Variants in RP1 observed in about 807,000 individuals in gnomAD.
RP1 encodes the protein oxygen-regulated protein 1.
RP1 carries 16 observed loss-of-function variants against 14.8 expected under a neutral mutation model. The observed-to-expected ratio is 1.08, with a 90% CI of 0.73 to 1.65. The LOEUF (loss-of-function observed/expected upper bound fraction) is 1.65, where lower values mean the gene tolerates loss of function less well. Among genes scored for constraint, RP1 ranks in the 40% most tolerant of loss-of-function variants. The pLI is 0.00. For synonymous variants in RP1, 876 were observed against 883.6 expected, an observed-to-expected ratio of 0.99 and a Z score of 0.15; for missense variants, 2,631 against 2,535.0, an observed-to-expected ratio of 1.04 and a Z score of -0.81.
intron 1 of RP1, among the ~76,000 whole-genome samples, chr8:54,580,965 A>G (rs985814588): frequency 1.3e-5 from 2 of 152,086 alleles, no homozygotes; most frequent in Middle Eastern, 3.2e-3. Context: ...TATTGGAAAC[A>G]ATGAAATCAG....
chr8:54,781,871 A>C (rs1333250993), intron 23 of RP1, among the ~76,000 whole-genome samples: 1 of 152,190 alleles, frequency 6.6e-6, no homozygotes, highest in African/African-American at 2.4e-5. Flanking sequence ...AATTCCAAAA[A>C]GGAGGAACAC....
At chr8:54,697,100 G>C (rs1020567191) in intron 12 of RP1, 1 of 1,558,960 alleles carries the variant, frequency 6.4e-7, no homozygotes, top group African/African-American at 1.3e-5. Context: ...TGGCTATCGG[G>C]GTGAACGCAT....
chr8:54,631,845 ATTT>A (rs36032942), downstream of RP1, among the ~76,000 whole-genome samples: 3 of 146,064 alleles, frequency 2.1e-5, no homozygotes, highest in Admixed American at 6.8e-5. Context: ...AAGGGATAAG[ATTT>A]TTTTTTTTTT....
In RP1 at chr8:54,737,977, T is replaced by C. The variant is rs373764163; in HGVS notation, c.2722-966T>C. Among the ~76,000 whole-genome samples the C allele has an allele frequency of 5.3e-4, 81 of 152,262 alleles. 1 individual carries two copies. Among genetic ancestry groups the C allele is most frequent in the African/African-American group, 1.9e-3 (79 of 41,544 alleles). ...TTGAAGCCATTAAGCAATAAGGTGG[T>C]ATATTACATTTAAAAAAAATCCTCA... On this transcript the variant is annotated intron_variant, in intron 18 of 22. Transcript: ENST00000636932.
chr8:54,752,348 T>C (rs774545028), intron 19 of RP1, among the ~76,000 whole-genome samples: 8 of 152,160 alleles, frequency 5.3e-5, no homozygotes, highest in Non-Finnish European at 8.8e-5. Flanking sequence ...ATAGCAGTCG[T>C]AGTTATGGTG....
chr8:54,753,760 C>T (rs763894572), intron 19 of RP1, among the ~76,000 whole-genome samples: 1 of 152,016 alleles, frequency 6.6e-6, no homozygotes, highest in Admixed American at 6.6e-5. Context: ...GTGCAGTGTG[C>T]AAAATGATCA....
chr8:54,807,382 T>C (rs1810878130), intron 24 of RP1, among the ~76,000 whole-genome samples: 1 of 152,180 alleles, frequency 6.6e-6, no homozygotes, highest in Non-Finnish European at 1.5e-5. Flanking sequence ...ATGGTTAGAG[T>C]CTTAACTTGC....
intron 23 of RP1, among the ~76,000 whole-genome samples, chr8:54,776,694 G>T (rs757117861): frequency 6.6e-6 from 1 of 152,166 alleles, no homozygotes; most frequent in Non-Finnish European, 1.5e-5. Context: ...ACACTGGAAG[G>T]GAATTTGGGA....
chr8:54,864,914 T>G (rs1196950053), intron 27 of RP1, among the ~76,000 whole-genome samples: 1 of 152,220 alleles, frequency 6.6e-6, no homozygotes, highest in African/African-American at 2.4e-5. Context: ...TTGATTTAAT[T>G]ACATTGAGGT....
intron 23 of RP1, chr8:54,783,538 C>T: frequency 5.7e-6 from 7 of 1,227,152 alleles, no homozygotes; most frequent in Non-Finnish European, 6.1e-6. Flanking sequence ...TCTCCTTTTT[C>T]CTTTGCAGAT....
At chr8:54,759,189 C>T (rs191928865) in intron 22 of RP1, 26 of 1,112,852 alleles carry the variant, frequency 2.3e-5, no homozygotes, top group Admixed American at 8.5e-5. Context: ...TTTTAGGTCA[C>T]GGATTTGTTT....
At chr8:54,589,595 TCCTAATCATGTGA>T (rs1462934957) in intron 1 of RP1, among the ~76,000 whole-genome samples, 1 of 152,142 alleles carries the variant, frequency 6.6e-6, no homozygotes, top group African/African-American at 2.4e-5. Context: ...CTGATCTTAT[TCCTAATCATGTGA>T]CTGTTAAGTC....
At chr8:54,660,799 C>A (rs971830272) in intron 6 of RP1, among the ~76,000 whole-genome samples, 1 of 151,310 alleles carries the variant, frequency 6.6e-6, no homozygotes, top group Non-Finnish European at 1.5e-5. Context: ...CCCAGTAGAA[C>A]CCTGGGTAAA....
At chr8:54,755,019 A>G in intron 20 of RP1, 1 of 1,336,898 alleles carries the variant, frequency 7.5e-7, no homozygotes, top group Non-Finnish European at 9.6e-7. Flanking sequence ...CTATTTAGTT[A>G]CAGAATATTT....
At chr8:54,868,020 A>G (rs1420622598) in intron 28 of RP1, among the ~76,000 whole-genome samples, 1 of 152,174 alleles carries the variant, frequency 6.6e-6, no homozygotes, top group Non-Finnish European at 1.5e-5. Flanking sequence ...TTTACAGTGT[A>G]GTTTATTGCT....
chr8:54,628,475 G>T lies in RP1; in HGVS notation c.4593G>T (p.Arg1531Ser). The T allele has an allele frequency of 3.7e-6, 6 of 1,613,606 alleles. No homozygotes were observed. The highest frequency in any genetic ancestry group is 5.1e-6 in the Non-Finnish European group (6 of 1,179,824). Reference sequence around the variant, plus strand: ...TAATTTATGAAATAATCAGTAAGAGGCTGGCAACACCACCATCTTTAGATT... The same window carrying T: ...TAATTTATGAAATAATCAGTAAGAGTCTGGCAACACCACCATCTTTAGATT... Reference protein sequence around the residue: ...NGIIYEIISKRLATPPSLDFC... With the variant: ...NGIIYEIISKSLATPPSLDFC... The change falls in exon 4 of 4, where the codon AGG becomes AGT. Residue 1531 changes from arginine to serine, a missense_variant. Arg to Ser is a moderately radical substitution (Grantham distance 110, BLOSUM62 -1). Coordinates refer to ENST00000220676, the MANE Select transcript of RP1 (RefSeq NM_006269.2).
chr8:54,774,302 G>A (rs966183980), downstream of RP1, among the ~76,000 whole-genome samples: 2 of 152,104 alleles, frequency 1.3e-5, no homozygotes, highest in African/African-American at 4.8e-5. Flanking sequence ...TCTCAAATGA[G>A]TGTGCATAAT....
At chr8:54,559,709 C>T (rs1312979097) in intron 1 of RP1, among the ~76,000 whole-genome samples, 36 of 152,142 alleles carry the variant, frequency 2.4e-4, no homozygotes, top group Admixed American at 2.4e-3. Flanking sequence ...ATGAACAGAA[C>T]AACAGCATGA....
intron 8 of RP1, among the ~76,000 whole-genome samples, chr8:54,675,802 A>T (rs371626759): frequency 8.5e-5 from 13 of 152,168 alleles, no homozygotes; most frequent in Non-Finnish European, 1.8e-4. Flanking sequence ...AGACCAGAGT[A>T]AAATAATAGA....
Sources: allele counts gnomAD v4.1 joint callset (sites outside exome capture counted in the v4.1 genomes callset), GRCh38; gene constraint gnomAD v4.1.1; transcripts MANE v1.5; gene names NCBI Gene and HGNC (gene_info 2026-07-23, HGNC 2026-07-21).